The following CNTNAP2 variants were observed in gnomAD, a reference collection of about 807,000 sequenced individuals.
CNTNAP2 encodes contactin-associated protein-like 2.
In CNTNAP2, 98 loss-of-function variants were observed where a neutral mutation model predicts 155.2. The ratio of observed to expected loss-of-function variants is 0.63; its 90% CI spans 0.54 to 0.75. The LOEUF is 0.75. Ranked by LOEUF, CNTNAP2 falls within the 30% of genes least tolerant of loss-of-function variation. CNTNAP2 has a pLI of 0.00. For synonymous variants in CNTNAP2, 651 were observed against 631.2 expected (o/e 1.03, Z -0.47); for missense variants, 1,727 against 1,688.1 (o/e 1.02, Z -0.40).
chr7:146,219,459 A>G (rs1799171768), intron 1 of CNTNAP2, among the ~76,000 whole-genome samples: 1 of 152,210 alleles, frequency 6.6e-6, no homozygotes, highest in Non-Finnish European at 1.5e-5. Context: ...CCATTTATCT[A>G]ACAAATAATT....
intron 21 of CNTNAP2, among the ~76,000 whole-genome samples, chr7:148,326,642 G>A (rs1022409387): frequency 3.3e-5 from 5 of 152,084 alleles, no homozygotes; most frequent in Admixed American, 6.5e-5. Flanking sequence ...CAAGGCGGGC[G>A]GATCATGAGG....
In CNTNAP2 at chr7:146,403,891, C is replaced by T. The variant is rs557354664; in HGVS notation, c.97+286918C>T. 2.4e-4 allele frequency among the ~76,000 whole-genome samples: 36 copies of T among 151,906 alleles called. No individual in the cohort carries two copies. In the East Asian group the frequency reaches 6.0e-3, roughly 25 times the overall value. On this transcript the variant is annotated intron_variant, in intron 1 of 23. Coordinates refer to ENST00000361727, the MANE Select transcript of CNTNAP2 (RefSeq NM_014141.6). ...AAAAAACAAAGACACTTTGGGAGGC[C>T]GAGGCGGGCGGATCACGAGGTCAGG...
Position 147,246,020 on chromosome 7 carries a change from ACT to A in CNTNAP2, c.1349-54119_1349-54118del, listed in dbSNP as rs1389371023. On this transcript the variant is annotated intron_variant, in intron 8 of 23. Coordinates refer to ENST00000361727, the MANE Select transcript of CNTNAP2 (RefSeq NM_014141.6). Reference sequence around the variant, plus strand: ...CTGTAAAATCTTATATATAAATAAGACTCACACATACACATATAACGTGCATA... The same window carrying A: ...CTGTAAAATCTTATATATAAATAAGACACACATACACATATAACGTGCATA... 2.7e-5 allele frequency among the ~76,000 whole-genome samples: 4 copies of A among 149,566 alleles called. No individual in the cohort carries two copies. In the South Asian group the frequency reaches 6.3e-4, roughly 23 times the overall value.
At chr7:146,394,013 C>T (rs924857117) in intron 1 of CNTNAP2, among the ~76,000 whole-genome samples, 1 of 152,094 alleles carries the variant, frequency 6.6e-6, no homozygotes, top group Admixed American at 6.6e-5. Flanking sequence ...TAGTTTTCTT[C>T]AGATCTTTTC....
intron 3 of CNTNAP2, among the ~76,000 whole-genome samples, chr7:146,878,912 G>T (rs1795483537): frequency 6.6e-6 from 1 of 152,040 alleles, no homozygotes; most frequent in Non-Finnish European, 1.5e-5. Flanking sequence ...GTTTTACTTT[G>T]CTATAATGGA....
chr7:146,798,101 T>C (rs1802803398), intron 2 of CNTNAP2, among the ~76,000 whole-genome samples: 1 of 151,922 alleles, frequency 6.6e-6, no homozygotes, highest in African/African-American at 2.4e-5. Context: ...TGGCAAAAAC[T>C]GTCTCTCTAA....
chr7:147,360,522 T>G (rs1040348111), intron 9 of CNTNAP2, among the ~76,000 whole-genome samples: 1 of 152,178 alleles, frequency 6.6e-6, no homozygotes, highest in Non-Finnish European at 1.5e-5. Flanking sequence ...TTGGCTTATT[T>G]TCTTGATTAA....
intron 18 of CNTNAP2, among the ~76,000 whole-genome samples, chr7:148,212,734 A>G (rs1585191283): frequency 6.6e-6 from 1 of 152,338 alleles, no homozygotes; most frequent in East Asian, 1.9e-4. Flanking sequence ...TCTTTTAGAT[A>G]TTGCAGTACC....
At chr7:146,285,961 CTTCCTTCCTTCCTTCT>C (rs1800327823) in intron 1 of CNTNAP2, among the ~76,000 whole-genome samples, 1 of 40,824 alleles carries the variant, frequency 2.4e-5, no homozygotes, top group South Asian at 1.2e-3. Flanking sequence ...TCCTTCCTTC[CTTCCTTCCTTCCTTCT>C]CTGTGTGTGT....
At chr7:146,405,816 T>TA (rs978379094) in intron 1 of CNTNAP2, among the ~76,000 whole-genome samples, 1 of 152,098 alleles carries the variant, frequency 6.6e-6, no homozygotes, top group African/African-American at 2.4e-5. Flanking sequence ...CCTACTGTGT[T>TA]AAAAAAAAGT....
chr7:148,118,051 G>T, intron 15 of CNTNAP2, 67 bp from the exon 16 acceptor site: 1 of 1,532,374 alleles, frequency 6.5e-7, no homozygotes, highest in Admixed American at 1.7e-5. Flanking sequence ...CAAGCAATGG[G>T]TATCTGTTAC....
chr7:147,321,493 T>C (rs1795349841), intron 9 of CNTNAP2, among the ~76,000 whole-genome samples: 1 of 152,178 alleles, frequency 6.6e-6, no homozygotes, highest in Non-Finnish European at 1.5e-5. Flanking sequence ...TTTCCATCAT[T>C]TTAGACTGTC....
intron 10 of CNTNAP2, among the ~76,000 whole-genome samples, chr7:147,471,403 G>A (rs1368406819): frequency 6.6e-6 from 1 of 152,212 alleles, no homozygotes; most frequent in Non-Finnish European, 1.5e-5. Context: ...TTTGGGGGAT[G>A]AGGGTAGCTA....
At chr7:148,070,447 G>A (rs926371228) in intron 15 of CNTNAP2, among the ~76,000 whole-genome samples, 5 of 152,204 alleles carry the variant, frequency 3.3e-5, no homozygotes, top group South Asian at 2.1e-4. Flanking sequence ...GCTGGGCACC[G>A]TGGCTCATGC....
At chr7:147,207,996 C>T (rs1187059133) in intron 8 of CNTNAP2, among the ~76,000 whole-genome samples, 2 of 152,114 alleles carry the variant, frequency 1.3e-5, no homozygotes, top group African/African-American at 2.4e-5. Flanking sequence ...ATGTAATTAT[C>T]AAGATGGACA....
At chr7:147,770,705 T>C (rs1797455336) in intron 13 of CNTNAP2, among the ~76,000 whole-genome samples, 1 of 152,130 alleles carries the variant, frequency 6.6e-6, no homozygotes. Context: ...ATGAGAGATA[T>C]AAAAGATCGA....
At chr7:147,525,602 T>C (rs1350724731) in intron 11 of CNTNAP2, among the ~76,000 whole-genome samples, 2 of 152,166 alleles carry the variant, frequency 1.3e-5, no homozygotes, top group African/African-American at 4.8e-5. Flanking sequence ...TGATAAAATA[T>C]TGGATATCTT....
Position 148,281,988 on chromosome 7 carries a change from C to A in CNTNAP2, c.3475+14862C>A, listed in dbSNP as rs566699603. Among the ~76,000 whole-genome samples, 21 of 152,072 alleles carry A rather than the reference C, an allele frequency of 1.4e-4. No homozygotes were observed. The South Asian group carries it at 4.4e-3, about 32-fold the overall frequency. On this transcript the variant is annotated intron_variant, in intron 21 of 23. Coordinates refer to ENST00000361727, the MANE Select transcript of CNTNAP2 (RefSeq NM_014141.6). ...TACAGGCTCACACCACCACACCCGG[C>A]TAATTTTTGTATTTTTAGTAGAGAC...
chr7:146,186,151 T>C (rs1186591897), intron 1 of CNTNAP2, among the ~76,000 whole-genome samples: 1 of 152,182 alleles, frequency 6.6e-6, no homozygotes, highest in Non-Finnish European at 1.5e-5. Context: ...TGCTAAATTC[T>C]ACTCTGCATA....
Sources: gnomAD v4.1 joint callset for allele counts (sites outside exome capture counted in the v4.1 genomes callset) on GRCh38, gnomAD v4.1.1 for gene constraint, MANE v1.5 for transcripts, NCBI Gene and HGNC (gene_info 2026-07-23, HGNC 2026-07-21) for gene names.